Variants in ARMC2 observed in about 807,000 individuals in gnomAD.
ARMC2 encodes armadillo repeat containing 2.
A neutral mutation model predicts 90.3 loss-of-function variants in ARMC2; 67 were observed. The observed-to-expected ratio is 0.74, with a 90% CI of 0.61 to 0.91. ARMC2 has a LOEUF of 0.91. Among genes scored for constraint, ARMC2 ranks in the 40% least tolerant of loss-of-function variants. The probability of loss-of-function intolerance (pLI) is 0.00; values close to 1 mark genes in which losing one functional copy is unlikely to be tolerated. For missense variants in ARMC2, 920 were observed against 1,030.9 expected (o/e 0.89, Z 1.47); for synonymous variants, 393 against 393.0 (o/e 1.00, Z 0.00).
the ARMC2 span, among the ~76,000 whole-genome samples, chr6:109,048,095 AAAAT>A: frequency 1.5e-5 from 2 of 132,296 alleles, no homozygotes; most frequent in East Asian, 4.0e-4. Context: ...TATCAATAAA[AAAAT>A]AAATTAAAAA....
At chr6:108,955,504 T>C (rs1427267791) in intron 13 of ARMC2, among the ~76,000 whole-genome samples, 3 of 152,206 alleles carry the variant, frequency 2.0e-5, no homozygotes, top group Non-Finnish European at 2.9e-5. Flanking sequence ...ATAGTGACTT[T>C]CACAGGTCAC....
At chr6:109,039,827 T>C in the ARMC2 span, among the ~76,000 whole-genome samples, 1 of 152,218 alleles carries the variant, frequency 6.6e-6, no homozygotes, top group Non-Finnish European at 1.5e-5. Context: ...CTTGTTCATA[T>C]AGAAAATAAG....
chr6:108,955,576 C>T (rs999544149), intron 13 of ARMC2, among the ~76,000 whole-genome samples: 18 of 152,282 alleles, frequency 1.2e-4, no homozygotes, highest in Admixed American at 6.5e-4. Flanking sequence ...CTCCACATCA[C>T]GTGTCACCTG....
chr6:108,982,678 A>T, the ARMC2 span, among the ~76,000 whole-genome samples: 1 of 152,166 alleles, frequency 6.6e-6, no homozygotes. Flanking sequence ...GATGAGTGTG[A>T]GGTAATGTGT....
At chr6:109,004,970 G>A in the ARMC2 span, among the ~76,000 whole-genome samples, 1 of 152,134 alleles carries the variant, frequency 6.6e-6, no homozygotes, top group Non-Finnish European at 1.5e-5. Flanking sequence ...TGAGAAAAAA[G>A]AGTATAGAGA....
At chr6:108,923,887 C>T (rs924744364) in intron 10 of ARMC2, among the ~76,000 whole-genome samples, 15 of 152,138 alleles carry the variant, frequency 9.9e-5, no homozygotes, top group African/African-American at 3.4e-4. Flanking sequence ...TCTCTTTTGT[C>T]GCTCCTGTCC....
intron 15 of ARMC2, among the ~76,000 whole-genome samples, chr6:108,962,924 A>G (rs551544733): frequency 6.6e-6 from 1 of 152,310 alleles, no homozygotes; most frequent in East Asian, 1.9e-4. Flanking sequence ...ACTTGAGCCC[A>G]GAAGTTTGAG....
chr6:109,027,867 T>C, the ARMC2 span, among the ~76,000 whole-genome samples: 2 of 152,194 alleles, frequency 1.3e-5, no homozygotes, highest in African/African-American at 4.8e-5. Flanking sequence ...TAAATACATA[T>C]ATATATATTT....
chr6:108,932,269 T>C (rs1775618183), intron 11 of ARMC2, among the ~76,000 whole-genome samples: 1 of 151,888 alleles, frequency 6.6e-6, no homozygotes, highest in Non-Finnish European at 1.5e-5. Flanking sequence ...ATTTTTGCTT[T>C]TGTTGCATTT....
chr6:108,882,299 C>T (rs1450829928), intron 5 of ARMC2, among the ~76,000 whole-genome samples: 4 of 151,810 alleles, frequency 2.6e-5, no homozygotes, highest in Non-Finnish European at 5.9e-5. Context: ...ATTAGCTGGG[C>T]ATAGTGACAG....
intron 5 of ARMC2, among the ~76,000 whole-genome samples, chr6:108,880,460 A>G (rs1668024181): frequency 6.6e-6 from 1 of 152,170 alleles, no homozygotes; most frequent in African/African-American, 2.4e-5. Context: ...AGGTTCACAA[A>G]CTATAAAGAT....
chr6:109,022,255 G>C, the ARMC2 span, among the ~76,000 whole-genome samples: 1 of 151,946 alleles, frequency 6.6e-6, no homozygotes, highest in Non-Finnish European at 1.5e-5. Flanking sequence ...GTAGCAGTTA[G>C]GTAAATGAAT....
intron 3 of ARMC2, among the ~76,000 whole-genome samples, chr6:108,865,188 G>A (rs1210553397): frequency 6.6e-6 from 1 of 151,780 alleles, no homozygotes; most frequent in African/African-American, 2.4e-5. Context: ...TCATCATGTT[G>A]GCTAGGCTGG....
chr6:108,884,494 C>G (rs1371788782), intron 5 of ARMC2, among the ~76,000 whole-genome samples: 1 of 152,122 alleles, frequency 6.6e-6, no homozygotes, highest in Non-Finnish European at 1.5e-5. Context: ...ACTTGAGGAT[C>G]AAGGGAAAAT....
chr6:108,886,625 A>G (rs1778134811), intron 5 of ARMC2, among the ~76,000 whole-genome samples: 1 of 152,168 alleles, frequency 6.6e-6, no homozygotes, highest in South Asian at 2.1e-4. Flanking sequence ...CTGGCCATCC[A>G]TCTGGTTTTT....
At chr6:108,954,425 C>T (rs977101802) in intron 13 of ARMC2, among the ~76,000 whole-genome samples, 1 of 152,134 alleles carries the variant, frequency 6.6e-6, no homozygotes, top group Admixed American at 6.5e-5. Context: ...GAGTTTAAGA[C>T]CAGCCTGGCC....
In ARMC2 at chr6:108,852,766, C is replaced by CTG. The variant is rs139647511; in HGVS notation, c.-43-1457_-43-1456dup. ...ACCTGATTTAGGCTCTGGAAGAAGC[C>CTG]TGTTTATTATACAGAAACCTCTTCT... On this transcript the variant is annotated intron_variant, in intron 1 of 17. Transcript: ENST00000392644. 8.4e-3 allele frequency among the ~76,000 whole-genome samples: 1,278 copies of CTG among 152,190 alleles called. 16 individuals are homozygous for CTG. Among genetic ancestry groups the CTG allele is most frequent in the African/African-American group, 0.029 (1,201 of 41,502 alleles).
chr6:108,878,453 C>T (rs1161366977), intron 5 of ARMC2, among the ~76,000 whole-genome samples: 1 of 152,170 alleles, frequency 6.6e-6, no homozygotes, highest in Non-Finnish European at 1.5e-5. Flanking sequence ...TGACAGCGGT[C>T]ACCTGTGTGG....
chr6:109,049,492 A>G, the ARMC2 span, among the ~76,000 whole-genome samples: 1 of 152,124 alleles, frequency 6.6e-6, no homozygotes, highest in Non-Finnish European at 1.5e-5. Flanking sequence ...ACTATAGTTA[A>G]CAATATTATA....
Sources: allele counts gnomAD v4.1 joint callset (sites outside exome capture counted in the v4.1 genomes callset), GRCh38; gene constraint gnomAD v4.1.1; transcripts MANE v1.5; gene names NCBI Gene and HGNC (gene_info 2026-07-23, HGNC 2026-07-21).